The following ADAMTS20 variants were observed in gnomAD, a reference collection of about 807,000 sequenced individuals.
ADAMTS20 encodes the protein ADAM metallopeptidase with thrombospondin type 1 motif 20.
Under a neutral mutation model 260.1 loss-of-function variants are expected in ADAMTS20, and 225 were observed. That is an observed-to-expected ratio of 0.87 (90% confidence interval 0.78 to 0.97). The LOEUF (loss-of-function observed/expected upper bound fraction) is 0.97, where lower values mean the gene tolerates loss of function less well. ADAMTS20 is among the 50% of genes least tolerant of loss of function. ADAMTS20 has a pLI of 0.00. For missense variants in ADAMTS20, 2,400 were observed against 2,337.7 expected (o/e 1.03, Z -0.55); for synonymous variants, 802 against 769.5 (o/e 1.04, Z -0.70).
At chr12:43,539,013 C>G (rs534551923) in intron 2 of ADAMTS20, among the ~76,000 whole-genome samples, 1 of 144,074 alleles carries the variant, frequency 6.9e-6, no homozygotes, top group African/African-American at 2.6e-5. Context: ...AGTGCAGTGG[C>G]GTGATCTTAG....
At chr12:43,443,949 G>A (rs375320047) in intron 15 of ADAMTS20, 66 bp from the exon 16 acceptor site, 16 of 1,277,132 alleles carry the variant, frequency 1.3e-5, no homozygotes, top group East Asian at 9.4e-5. Context: ...TATTACTGCT[G>A]AATGGATGAA....
At chr12:43,537,655 C>A (rs552768426) in intron 2 of ADAMTS20, among the ~76,000 whole-genome samples, 1 of 152,224 alleles carries the variant, frequency 6.6e-6, no homozygotes, top group African/African-American at 2.4e-5. Flanking sequence ...CCACCTCTCC[C>A]CACCCCACAC....
intron 29 of ADAMTS20, among the ~76,000 whole-genome samples, chr12:43,389,394 A>C (rs1452445521): frequency 2.6e-5 from 4 of 152,234 alleles, no homozygotes; most frequent in Non-Finnish European, 4.4e-5. Context: ...ATAGGACTTG[A>C]GTAAGTAAAA....
At chr12:43,469,047 G>C (rs7976229) in intron 7 of ADAMTS20, among the ~76,000 whole-genome samples, 18,375 of 152,106 alleles carry the variant, frequency 0.12, 1,254 homozygotes, top group Admixed American at 0.22. Flanking sequence ...TAGCAGGAAA[G>C]AGATTAAATG....
chr12:43,460,860 C>G (rs1942046503), intron 11 of ADAMTS20, among the ~76,000 whole-genome samples: 1 of 148,406 alleles, frequency 6.7e-6, no homozygotes, highest in African/African-American at 2.5e-5. Context: ...CTGTATAGTT[C>G]TACTTACAAG....
At chr12:43,470,457 G>C (rs145623783) in intron 7 of ADAMTS20, among the ~76,000 whole-genome samples, 1 of 152,116 alleles carries the variant, frequency 6.6e-6, no homozygotes, top group African/African-American at 2.4e-5. Context: ...AAATATTCCC[G>C]TAAGCAGGCA....
chr12:43,499,728 C>G (rs1337635666), intron 4 of ADAMTS20, among the ~76,000 whole-genome samples: 1 of 152,098 alleles, frequency 6.6e-6, no homozygotes, highest in Non-Finnish European at 1.5e-5. Context: ...TGGTCTCTAT[C>G]TCTTGACCTC....
intron 3 of ADAMTS20, among the ~76,000 whole-genome samples, chr12:43,530,691 T>C (rs1943208817): frequency 1.3e-5 from 2 of 152,148 alleles, no homozygotes; most frequent in African/African-American, 4.8e-5. Context: ...GTGCCTTTTC[T>C]CCATCATATC....
In ADAMTS20 at chr12:43,401,746, T is replaced by A. The variant is rs570030122; in HGVS notation, c.4285-2513A>T. 1.5e-3 allele frequency among the ~76,000 whole-genome samples: 225 copies of A among 151,208 alleles called. 2 individuals carry two copies. The highest frequency in any genetic ancestry group is 4.6e-3 in the African/African-American group (190 of 41,396). On this transcript the variant is annotated intron_variant, in intron 28 of 38. Transcript: ENST00000389420. ...TTTATAAGTATATTTTTATGCTTTT[T>A]TTTTTGCTCAAGTGCTAACAATGGC...
In ADAMTS20 at chr12:43,427,701, A is replaced by G. The variant is rs185958221; in HGVS notation, c.3946-232T>C. Among the ~76,000 whole-genome samples the G allele has an allele frequency of 6.6e-3, 1,008 of 152,328 alleles. 15 individuals carry two copies. Among genetic ancestry groups the G allele is most frequent in the African/African-American group, 0.024 (987 of 41,578 alleles). ...GTGGGACTTTCAAGTTTGCATTAGG[A>G]AACAATTTTCATTTCTATCATAAGT... On this transcript the variant is annotated intron_variant, in intron 26 of 38. Coordinates refer to ENST00000389420, the MANE Select transcript of ADAMTS20 (RefSeq NM_025003.5).
At chr12:43,485,094 C>CAAAAAAAA (rs59409245) in intron 7 of ADAMTS20, among the ~76,000 whole-genome samples, 1 of 118,750 alleles carries the variant, frequency 8.4e-6, no homozygotes, top group Non-Finnish European at 1.8e-5. Flanking sequence ...AGGACGTAGC[C>CAAAAAAAA]AAAAAAAAAA....
chr12:43,385,798 T>C (rs1366675564), intron 29 of ADAMTS20, among the ~76,000 whole-genome samples: 1 of 152,202 alleles, frequency 6.6e-6, no homozygotes, highest in Non-Finnish European at 1.5e-5. Context: ...TCTGTTCTGT[T>C]TCATTGGCTA....
chr12:43,513,571 A>G (rs1942954193), intron 3 of ADAMTS20, among the ~76,000 whole-genome samples: 1 of 152,200 alleles, frequency 6.6e-6, no homozygotes, highest in African/African-American at 2.4e-5. Flanking sequence ...GTATATACCC[A>G]AAGGATTATA....
At chr12:43,465,779 G>C (rs377371370) in intron 9 of ADAMTS20, among the ~76,000 whole-genome samples, 1 of 152,004 alleles carries the variant, frequency 6.6e-6, no homozygotes, top group African/African-American at 2.4e-5. Context: ...CAAGTATTAA[G>C]TTGTGCTTTT....
chr12:43,509,744 C>T (rs1317049796), intron 3 of ADAMTS20, among the ~76,000 whole-genome samples: 1 of 151,852 alleles, frequency 6.6e-6, no homozygotes, highest in Non-Finnish European at 1.5e-5. Context: ...GGGTTGTTAT[C>T]CAGGTCTTAT....
At chr12:43,364,214 G>A (rs1939935290) in intron 37 of ADAMTS20, among the ~76,000 whole-genome samples, 1 of 151,990 alleles carries the variant, frequency 6.6e-6, no homozygotes, top group African/African-American at 2.4e-5. Flanking sequence ...AAACAAAGAA[G>A]TAAACGATAA....
rs1397580962 is a variant in ADAMTS20, at chr12:43,454,016, C to T, written c.1651G>A (p.Glu551Lys). The T allele has an allele frequency of 3.1e-6, 5 of 1,613,660 alleles. No homozygotes were observed. The highest frequency in any genetic ancestry group is 4.2e-6 in the Non-Finnish European group (5 of 1,179,750). ...CATTCACCATTTACAGGACGTGTTT[C>T]CGTTTCTTTGTTTACACATAGCCCA... ...RHGLCVNKET[E>K]TRPVNGEWGP... Residue 551 changes from glutamate (E) to lysine (K), a missense_variant, in exon 12 of 39, where the codon GAA (glutamate) becomes AAA (lysine). By Grantham distance (56) the Glu-to-Lys change is moderately conservative. Coordinates refer to ENST00000389420, the MANE Select transcript of ADAMTS20 (RefSeq NM_025003.5).
chr12:43,432,381 G>C lies in ADAMTS20; in HGVS notation c.3019C>G (p.Gln1007Glu). 6.2e-7 allele frequency: 1 copy of C among 1,613,694 alleles called. No individual in the cohort carries two copies. Among genetic ancestry groups the C allele is most frequent in the Non-Finnish European group, 8.5e-7 (1 of 1,179,836 alleles). The change falls in exon 21 of 39, where the codon CAA becomes GAA. Residue 1007 changes from glutamine to glutamate, a missense_variant. Physicochemically the swap from Gln to Glu is conservative, Grantham distance 29 (BLOSUM62 2). Coordinates refer to ENST00000389420, the MANE Select transcript of ADAMTS20 (RefSeq NM_025003.5). ...FGHRLADNEC[Q>E]ELSRVTRENC... Reference sequence around the variant, plus strand: ...TCTCTCGTCACTCGGGACAGTTCTTGGCATTCATTGTCAGCAAGACGATGG... The same window carrying C: ...TCTCTCGTCACTCGGGACAGTTCTTCGCATTCATTGTCAGCAAGACGATGG...
intron 7 of ADAMTS20, among the ~76,000 whole-genome samples, chr12:43,470,232 A>G (rs1942230175): frequency 6.6e-6 from 1 of 152,204 alleles, no homozygotes; most frequent in African/African-American, 2.4e-5. Context: ...TGGACATCCT[A>G]CAGTAGGATT....
Sources: gnomAD v4.1 joint callset for allele counts (sites outside exome capture counted in the v4.1 genomes callset) on GRCh38, gnomAD v4.1.1 for gene constraint, MANE v1.5 for transcripts, NCBI Gene and HGNC (gene_info 2026-07-23, HGNC 2026-07-21) for gene names.